The following NF1 variants were observed in gnomAD, a reference collection of about 807,000 sequenced individuals.
The protein encoded by NF1 is neurofibromin.
A neutral mutation model predicts 325.7 loss-of-function variants in NF1; 122 were observed. The observed-to-expected ratio is 0.37, with a 90% CI of 0.32 to 0.44. The LOEUF (loss-of-function observed/expected upper bound fraction) is 0.44, where lower values mean the gene tolerates loss of function less well. Among genes scored for constraint, NF1 ranks in the 20% least tolerant of loss-of-function variants. The pLI is 1.00. For synonymous variants in NF1, 1,091 were observed against 1,186.0 expected, an observed-to-expected ratio of 0.92 and a Z score of 1.65; for missense variants, 2,140 against 3,415.4, an observed-to-expected ratio of 0.63 and a Z score of 9.31.
At chr17:31,115,981 A>G (rs939010954) in intron 1 of NF1, among the ~76,000 whole-genome samples, 9 of 152,188 alleles carry the variant, frequency 5.9e-5, no homozygotes, top group Non-Finnish European at 1.3e-4. Context: ...AAAATAGGTA[A>G]TAATTATCTG....
intron 30 of NF1, 34 bp from the exon 31 acceptor site, chr17:31,252,904 C>G (rs2151455919): frequency 1.3e-6 from 2 of 1,567,830 alleles, no homozygotes; most frequent in Non-Finnish European, 8.8e-7. Context: ...GTAGTCGGTG[C>G]TGTGACTTGT....
intron 38 of NF1, among the ~76,000 whole-genome samples, chr17:31,329,361 T>C (rs1034324686): frequency 6.6e-6 from 1 of 152,234 alleles, no homozygotes; most frequent in African/African-American, 2.4e-5. Flanking sequence ...AAGCAATCTC[T>C]GACAGCTTCT....
At chr17:31,305,190 CTT>C in intron 36 of NF1, 1 of 1,614,042 alleles carries the variant, frequency 6.2e-7, no homozygotes, top group South Asian at 1.1e-5. Flanking sequence ...AGACAAATGA[CTT>C]TGGTGGTTGT....
intron 36 of NF1, among the ~76,000 whole-genome samples, chr17:31,302,658 G>A (rs1179505247): frequency 2.0e-5 from 3 of 151,826 alleles, no homozygotes; most frequent in Non-Finnish European, 4.4e-5. Flanking sequence ...TGGCCAATAT[G>A]GTGAAACCCC....
intron 36 of NF1, among the ~76,000 whole-genome samples, chr17:31,322,092 TATACACAC>T (rs776436329): frequency 2.1e-5 from 1 of 48,488 alleles, no homozygotes; most frequent in Non-Finnish European, 4.3e-5. Context: ...GTAGTGTGTG[TATACACAC>T]ACACACACAC....
chr17:31,327,168 G>A lies in NF1; in HGVS notation c.5269-331G>A, dbSNP rs17879457. 3.9e-3 allele frequency among the ~76,000 whole-genome samples: 596 copies of A among 152,122 alleles called. 6 individuals carry two copies. The highest frequency in any genetic ancestry group is 0.014 in the African/African-American group (567 of 41,510). ...AGGTTTAGTAGAGACAAGGTTGTTG[G>A]CCAGGCTGATCACGAACTCCTGACC... is the stretch of plus-strand genomic sequence containing the variant. On this transcript the variant is annotated intron_variant, in intron 37 of 57. Coordinates refer to ENST00000358273, the MANE Select transcript of NF1 (RefSeq NM_001042492.3).
chr17:31,268,046 G>C (rs941264325), intron 36 of NF1, among the ~76,000 whole-genome samples: 1 of 152,198 alleles, frequency 6.6e-6, no homozygotes, highest in African/African-American at 2.4e-5. Flanking sequence ...TAGAGAACTA[G>C]ATGGCTGTGG....
At chr17:31,287,634 A>G (rs914981662) in intron 36 of NF1, among the ~76,000 whole-genome samples, 2 of 151,266 alleles carry the variant, frequency 1.3e-5, no homozygotes, top group Non-Finnish European at 2.9e-5. Flanking sequence ...ATCTCAGCTC[A>G]CTGCAACATC....
chr17:31,279,605 A>AC (rs1567871677), intron 36 of NF1, among the ~76,000 whole-genome samples: 1 of 151,546 alleles, frequency 6.6e-6, no homozygotes, highest in Non-Finnish European at 1.5e-5. Context: ...AAAAAAAAAA[A>AC]GGAAGAAACT....
chr17:31,180,953 C>T (rs1288259008), intron 5 of NF1, among the ~76,000 whole-genome samples: 4 of 152,108 alleles, frequency 2.6e-5, no homozygotes, highest in Non-Finnish European at 5.9e-5. Flanking sequence ...ACACCAATAA[C>T]AGACAAACAG....
At chr17:31,189,106 C>T (rs1176763383) in intron 8 of NF1, among the ~76,000 whole-genome samples, 2 of 152,034 alleles carry the variant, frequency 1.3e-5, no homozygotes, top group South Asian at 2.1e-4. Flanking sequence ...AGTGAATTTA[C>T]GTTTTAATAA....
rs190632646 is a variant in NF1 at position 31,285,864 on chromosome 17, T to C, written c.4835+20525T>C. Among the ~76,000 whole-genome samples, 343 of 152,304 alleles carry C rather than the reference T, an allele frequency of 2.3e-3. 1 individual carries two copies. The highest frequency in any genetic ancestry group is 7.0e-3 in the African/African-American group (289 of 41,566). ...TTACAAACTAGCTCTTAGTGGTATT[T>C]GAAAGGAACAGCCCCAGAGTTGTTT... On this transcript the variant is annotated intron_variant, in intron 36 of 57. Transcript: ENST00000358273.
intron 5 of NF1, among the ~76,000 whole-genome samples, chr17:31,178,022 A>G (rs2066055586): frequency 6.6e-6 from 1 of 152,170 alleles, no homozygotes; most frequent in Non-Finnish European, 1.5e-5. Context: ...AGAGAACACT[A>G]CAAAGATAAT....
At chr17:31,245,588 AC>A in intron 29 of NF1, among the ~76,000 whole-genome samples, 1 of 152,138 alleles carries the variant, frequency 6.6e-6, no homozygotes, top group African/African-American at 2.4e-5. Context: ...GGCATACTTT[AC>A]TTTTGTTTGC....
At chr17:31,325,597 TGTC>T (rs1567611104) in intron 36 of NF1, among the ~76,000 whole-genome samples, 1 of 152,212 alleles carries the variant, frequency 6.6e-6, no homozygotes, top group Admixed American at 6.5e-5. Context: ...TTTTTATTGT[TGTC>T]GTGGCTCAAA....
chr17:31,350,335 T>C lies in NF1; in HGVS notation c.7457+17T>C, dbSNP rs142843549. The C allele has an allele frequency of 7.8e-5, 125 of 1,604,388 alleles. No individual in the cohort carries two copies. The highest frequency in any genetic ancestry group is 1.0e-4 in the Non-Finnish European group (122 of 1,172,194). On this transcript the variant is annotated intron_variant, in intron 50 of 57. Coordinates refer to ENST00000358273, the MANE Select transcript of NF1 (RefSeq NM_001042492.3). ...TTCCTATAGGTAAGTGGATTTACTC[T>C]CCTATAATTACATAATCATAATCAA...
chr17:31,253,679 G>A (rs2067531592), intron 31 of NF1: 1 of 152,106 alleles, frequency 6.6e-6, no homozygotes, highest in South Asian at 2.1e-4. Flanking sequence ...TATACTATCT[G>A]CTTCTATGAA....
intron 36 of NF1, chr17:31,305,558 T>G (rs941071081): frequency 6.2e-7 from 1 of 1,614,188 alleles, no homozygotes; most frequent in Non-Finnish European, 8.5e-7. Flanking sequence ...GAAAAAAATG[T>G]ATTGTTCAGG....
intron 29 of NF1, among the ~76,000 whole-genome samples, chr17:31,237,007 A>T (rs995499278): frequency 3.3e-5 from 5 of 152,218 alleles, no homozygotes; most frequent in Admixed American, 1.3e-4. Context: ...AATGAATTTT[A>T]ACGGAATATC....
Sources: allele counts gnomAD v4.1 joint callset (sites outside exome capture counted in the v4.1 genomes callset), GRCh38; gene constraint gnomAD v4.1.1; transcripts MANE v1.5; gene names NCBI Gene and HGNC (gene_info 2026-07-23, HGNC 2026-07-21).